Variants in PRH1 observed in about 807,000 individuals in gnomAD.
The protein encoded by PRH1 is proline rich protein HaeIII subfamily 1.
A neutral mutation model predicts 7.9 loss-of-function variants in PRH1; 7 were observed. That is an observed-to-expected ratio of 0.89 (90% confidence interval 0.50 to 1.67). The LOEUF is 1.67. Among genes scored for constraint, PRH1 ranks in the 40% most tolerant of loss-of-function variants. The pLI is 0.00. For synonymous variants in PRH1, 45 were observed against 80.8 expected (o/e 0.56, Z 2.38); for missense variants, 109 against 223.6 (o/e 0.49, Z 3.27).
At chr12:11,138,678 C>G (rs1296849316) in intron 1 of PRH1, among the ~76,000 whole-genome samples, 1 of 152,128 alleles carries the variant, frequency 6.6e-6, no homozygotes, top group Admixed American at 6.5e-5. Context: ...TTTGATGTTT[C>G]AAATTCATAT....
chr12:11,131,309 C>T (rs1417481068), intron 1 of PRH1, among the ~76,000 whole-genome samples: 1 of 143,288 alleles, frequency 7.0e-6, no homozygotes, highest in Non-Finnish European at 1.6e-5. Context: ...TCTCACCTCA[C>T]TGTGAAGTGG....
At chr12:11,078,108 G>C (rs2136225648) in intron 1 of PRH1, 2 of 626,356 alleles carry the variant, frequency 3.2e-6, no homozygotes, top group Non-Finnish European at 3.0e-6. Context: ...TGAGGATTTG[G>C]TCAGCTGAGG....
chr12:11,075,047 T>C (rs1315383485), intron 1 of PRH1, among the ~76,000 whole-genome samples: 3 of 139,650 alleles, frequency 2.1e-5, no homozygotes, highest in African/African-American at 5.1e-5. Context: ...ATTGCTACCC[T>C]GGACTTGCCT....
At chr12:10,934,252 A>G (rs1420746500) in intron 2 of PRH1, among the ~76,000 whole-genome samples, 1 of 152,140 alleles carries the variant, frequency 6.6e-6, no homozygotes, top group Non-Finnish European at 1.5e-5. Context: ...TCTCTTCACC[A>G]CAAGAGTTTG....
intron 2 of PRH1, among the ~76,000 whole-genome samples, chr12:10,931,993 G>A (rs1950220231): frequency 6.6e-6 from 1 of 152,134 alleles, no homozygotes; most frequent in African/African-American, 2.4e-5. Flanking sequence ...CACAAAGCAT[G>A]AACAACCTAA....
intron 1 of PRH1, among the ~76,000 whole-genome samples, chr12:10,983,845 A>G (rs145488296): frequency 6.6e-6 from 1 of 152,150 alleles, no homozygotes; most frequent in Non-Finnish European, 1.5e-5. Context: ...CTTTGCCTCA[A>G]TTTCCACATG....
At chr12:10,939,554 T>G (rs970499585) in intron 2 of PRH1, among the ~76,000 whole-genome samples, 19 of 86,304 alleles carry the variant, frequency 2.2e-4, no homozygotes, top group South Asian at 6.8e-4. Context: ...TTTGTGTGTT[T>G]TTTTTTTTTT....
At chr12:11,047,319 T>C (rs1591884588), upstream of PRH1, 1 of 207,188 alleles carries the variant, frequency 4.8e-6, no homozygotes, top group East Asian at 9.6e-5. Flanking sequence ...TAATTTTCAA[T>C]ATTTGCAGAA....
rs776159202 is a variant in PRH1 at position 10,938,838 on chromosome 12, A to G, written c.-59+34817T>C. 1 of 1,613,656 alleles carries G rather than the reference A, an allele frequency of 6.2e-7. No individual in the cohort carries two copies. Among genetic ancestry groups the G allele is most frequent in the Non-Finnish European group, 8.5e-7 (1 of 1,179,944 alleles). On this transcript the variant is annotated intron_variant, in intron 2 of 3. Transcript: ENST00000539853. The stretch of plus-strand genomic sequence containing the variant: ...ACCAAAACCACCTTTTTAACCCTCC[A>G]CTTTAGGTAGAGAAAAATAGAGTTA...
At chr12:11,136,510 C>A (rs1278077234) in intron 1 of PRH1, among the ~76,000 whole-genome samples, 1 of 152,094 alleles carries the variant, frequency 6.6e-6, no homozygotes, top group Non-Finnish European at 1.5e-5. Context: ...TGTTCAAAAT[C>A]TCCTCATAGA....
At chr12:11,140,154 G>A (rs1276137934) in intron 1 of PRH1, among the ~76,000 whole-genome samples, 4 of 151,672 alleles carry the variant, frequency 2.6e-5, no homozygotes. Flanking sequence ...ATAAGCAAGT[G>A]TAATTATACT....
chr12:11,022,501 T>C (rs202028593), intron 1 of PRH1: 32 of 1,613,766 alleles, frequency 2.0e-5, no homozygotes, highest in East Asian at 8.9e-5. Flanking sequence ...TATGAAGCCA[T>C]TGGCAACATT....
chr12:11,111,032 A>T (rs1945574865), intron 1 of PRH1, among the ~76,000 whole-genome samples: 2 of 152,322 alleles, frequency 1.3e-5, no homozygotes, highest in Non-Finnish European at 2.9e-5. Flanking sequence ...ACTTTAAACC[A>T]ACAAAGGTCA....
intron 1 of PRH1, among the ~76,000 whole-genome samples, chr12:11,124,780 T>C (rs1946053375): frequency 6.6e-6 from 1 of 152,360 alleles, no homozygotes; most frequent in Non-Finnish European, 1.5e-5. Flanking sequence ...GTGATTTGGG[T>C]CTTCTTTTCA....
chr12:10,954,655 T>C (rs1937864845), intron 2 of PRH1, among the ~76,000 whole-genome samples: 1 of 152,060 alleles, frequency 6.6e-6, no homozygotes, highest in South Asian at 2.1e-4. Context: ...TGTTTTTTTC[T>C]TGATAGAGAC....
At chr12:11,112,282 A>G (rs911100734) in intron 1 of PRH1, among the ~76,000 whole-genome samples, 1 of 152,216 alleles carries the variant, frequency 6.6e-6, no homozygotes, top group East Asian at 1.9e-4. Flanking sequence ...AAAAAGAGGG[A>G]CTACTCCTTA....
chr12:10,938,541 T>C, intron 2 of PRH1: 1 of 1,614,054 alleles, frequency 6.2e-7, no homozygotes, highest in Non-Finnish European at 8.5e-7. Flanking sequence ...GCTTTGGTGC[T>C]GGCGTCTCCG....
At chr12:10,939,340 A>G (rs1287220203) in intron 2 of PRH1, 1 of 576,756 alleles carries the variant, frequency 1.7e-6, no homozygotes, top group East Asian at 3.1e-5. Context: ...ATGTTAAACC[A>G]GCAACCATCC....
chr12:10,884,299 T>G, upstream of PRH1: 2 of 1,590,266 alleles, frequency 1.3e-6, no homozygotes, highest in Non-Finnish European at 1.7e-6. Flanking sequence ...AGCAGGACAA[T>G]GGTGCATTTG....
Sources: allele counts gnomAD v4.1 joint callset (sites outside exome capture counted in the v4.1 genomes callset), GRCh38; gene constraint gnomAD v4.1.1; transcripts MANE v1.5; gene names NCBI Gene and HGNC (gene_info 2026-07-23, HGNC 2026-07-21).